Variants in ARHGAP26 observed in about 807,000 individuals in gnomAD.
ARHGAP26 encodes the protein Rho GTPase activating protein 26.
Under a neutral mutation model 104.8 loss-of-function variants are expected in ARHGAP26, and 38 were observed. That is an observed-to-expected ratio of 0.36 (90% CI 0.28 to 0.48). The LOEUF (loss-of-function observed/expected upper bound fraction) is 0.48, where lower values mean the gene tolerates loss of function less well. ARHGAP26 is among the 20% of genes least tolerant of loss of function. ARHGAP26 has a pLI of 0.99. For synonymous variants in ARHGAP26, 341 were observed against 340.0 expected, an observed-to-expected ratio of 1.00 and a Z score of -0.03; for missense variants, 704 against 947.9, an observed-to-expected ratio of 0.74 and a Z score of 3.38.
chr5:143,124,022 T>C (rs965129429), intron 18 of ARHGAP26, among the ~76,000 whole-genome samples: 7 of 152,166 alleles, frequency 4.6e-5, no homozygotes, highest in African/African-American at 1.7e-4. Flanking sequence ...TTCTGTCTAG[T>C]CTTAGTGTCA....
chr5:142,784,902 C>T (rs748181481), intron 1 of ARHGAP26, among the ~76,000 whole-genome samples: 141 of 151,298 alleles, frequency 9.3e-4, no homozygotes, highest in Non-Finnish European at 1.8e-3. Flanking sequence ...CCTCTCATCC[C>T]TAGGCAACCA....
intron 17 of ARHGAP26, among the ~76,000 whole-genome samples, chr5:143,105,490 C>G (rs951417171): frequency 6.6e-6 from 1 of 152,076 alleles, no homozygotes; most frequent in African/African-American, 2.4e-5. Context: ...TCTGTCTTAA[C>G]GAAGATAGAA....
chr5:143,026,566 A>T (rs1781089591), intron 12 of ARHGAP26, among the ~76,000 whole-genome samples: 1 of 152,094 alleles, frequency 6.6e-6, no homozygotes, highest in Non-Finnish European at 1.5e-5. Context: ...AGGTGACGTG[A>T]GCTACTTGTG....
chr5:143,097,360 GAAAAAA>G (rs56116431), intron 17 of ARHGAP26, among the ~76,000 whole-genome samples: 1,085 of 63,268 alleles, frequency 0.017, 17 homozygotes, highest in East Asian at 0.14. Flanking sequence ...TCAAAAAAAA[GAAAAAA>G]AAAAAAAAAA....
intron 21 of ARHGAP26, among the ~76,000 whole-genome samples, chr5:143,212,618 C>T (rs1275121497): frequency 1.3e-5 from 2 of 152,172 alleles, no homozygotes; most frequent in Non-Finnish European, 2.9e-5. Flanking sequence ...CCCACCTGGC[C>T]ATCATCTCTT....
chr5:142,892,015 A>G (rs747693237), intron 5 of ARHGAP26, among the ~76,000 whole-genome samples: 12 of 151,836 alleles, frequency 7.9e-5, no homozygotes, highest in African/African-American at 1.7e-4. Context: ...CAGTGGTTCA[A>G]TTGTACCCGC....
At chr5:142,971,548 G>A (rs1179135494) in intron 11 of ARHGAP26, among the ~76,000 whole-genome samples, 1 of 152,128 alleles carries the variant, frequency 6.6e-6, no homozygotes, top group African/African-American at 2.4e-5. Flanking sequence ...TTTAAGCGAA[G>A]TCTTCTGGTA....
At chr5:143,159,509 T>C (rs1329849936) in intron 20 of ARHGAP26, among the ~76,000 whole-genome samples, 4 of 152,174 alleles carry the variant, frequency 2.6e-5, no homozygotes, top group African/African-American at 9.7e-5. Context: ...GAAAAAATGG[T>C]GCAGGACAGT....
intron 1 of ARHGAP26, among the ~76,000 whole-genome samples, chr5:142,825,608 G>A (rs1767081047): frequency 1.3e-5 from 2 of 152,252 alleles, no homozygotes; most frequent in South Asian, 4.1e-4. Context: ...AGTTCAAAGG[G>A]TTATTATTTT....
At chr5:142,858,437 G>A (rs1752768861) in intron 1 of ARHGAP26, among the ~76,000 whole-genome samples, 1 of 152,132 alleles carries the variant, frequency 6.6e-6, no homozygotes, top group African/African-American at 2.4e-5. Context: ...ATGGTGTTCT[G>A]ATTGTTTTGT....
At chr5:143,009,863 T>C (rs535008651) in intron 11 of ARHGAP26, among the ~76,000 whole-genome samples, 2 of 152,346 alleles carry the variant, frequency 1.3e-5, no homozygotes, top group South Asian at 4.1e-4. Context: ...GTGCATTAAC[T>C]GTTTCAGTCT....
At chr5:142,828,847 C>T (rs986767405) in intron 1 of ARHGAP26, among the ~76,000 whole-genome samples, 22 of 152,330 alleles carry the variant, frequency 1.4e-4, no homozygotes, top group African/African-American at 2.2e-4. Context: ...TCTAGCAAGA[C>T]GGGTTTGGTG....
chr5:143,006,416 ACC>A (rs1233709293), intron 11 of ARHGAP26, among the ~76,000 whole-genome samples: 2 of 150,246 alleles, frequency 1.3e-5, no homozygotes. Flanking sequence ...TAGTTACTGA[ACC>A]CCCTTTATGT....
intron 14 of ARHGAP26, among the ~76,000 whole-genome samples, chr5:143,048,306 G>T (rs1036659208): frequency 6.6e-6 from 1 of 151,898 alleles, no homozygotes; most frequent in Non-Finnish European, 1.5e-5. Flanking sequence ...TTTCACCCAC[G>T]CTGGAATGCA....
intron 11 of ARHGAP26, among the ~76,000 whole-genome samples, chr5:142,980,213 G>A (rs1773717441): frequency 6.6e-6 from 1 of 152,104 alleles, no homozygotes; most frequent in African/African-American, 2.4e-5. Context: ...ACTCATCCAT[G>A]TTTCCATGTA....
At chr5:142,942,818 TTGCCCA>T in intron 11 of ARHGAP26, among the ~76,000 whole-genome samples, 1 of 152,226 alleles carries the variant, frequency 6.6e-6, no homozygotes, top group Admixed American at 6.5e-5. Flanking sequence ...TCTCACTCTG[TTGCCCA>T]TGCTGGAGTG....
intron 1 of ARHGAP26, among the ~76,000 whole-genome samples, chr5:142,845,538 A>G (rs1347856114): frequency 6.6e-6 from 1 of 152,178 alleles, no homozygotes; most frequent in Non-Finnish European, 1.5e-5. Flanking sequence ...GTGGCCAGAC[A>G]TCCGCAGTTA....
intron 4 of ARHGAP26, among the ~76,000 whole-genome samples, chr5:142,883,210 C>T (rs73799021): frequency 6.6e-6 from 1 of 152,146 alleles, no homozygotes; most frequent in Admixed American, 6.5e-5. Context: ...ACTCATGTTC[C>T]CTGGCCTTTT....
At chr5:142,817,786 G>A (rs912008654) in intron 1 of ARHGAP26, among the ~76,000 whole-genome samples, 1 of 152,198 alleles carries the variant, frequency 6.6e-6, no homozygotes, top group Non-Finnish European at 1.5e-5. Flanking sequence ...TGATGGTGGA[G>A]AGTGGTTGTA....
Sources: allele counts gnomAD v4.1 joint callset (sites outside exome capture counted in the v4.1 genomes callset), GRCh38; gene constraint gnomAD v4.1.1; transcripts MANE v1.5; gene names NCBI Gene and HGNC (gene_info 2026-07-23, HGNC 2026-07-21).